Variants in ADAMTSL3 observed in about 807,000 individuals in gnomAD.
ADAMTSL3 encodes the protein ADAMTS-like protein 3.
In ADAMTSL3, 128 loss-of-function variants were observed where a neutral mutation model predicts 201.7. The ratio of observed to expected loss-of-function variants is 0.63; its 90% confidence interval spans 0.55 to 0.73. The LOEUF is 0.73. Among genes scored for constraint, ADAMTSL3 ranks in the 30% least tolerant of loss-of-function variants. The pLI is 0.00. For missense variants in ADAMTSL3, 1,990 were observed against 2,119.6 expected, an observed-to-expected ratio of 0.94 and a Z score of 1.20; for synonymous variants, 738 against 748.4, an observed-to-expected ratio of 0.99 and a Z score of 0.23.
intron 17 of ADAMTSL3, among the ~76,000 whole-genome samples, chr15:83,929,749 C>G (rs1424452617): frequency 1.3e-5 from 2 of 149,948 alleles, no homozygotes; most frequent in Non-Finnish European, 3.0e-5. Flanking sequence ...CACACACACA[C>G]AGAGAGACAG....
At chr15:83,995,458 C>T (rs1418901280) in intron 23 of ADAMTSL3, among the ~76,000 whole-genome samples, 2 of 152,128 alleles carry the variant, frequency 1.3e-5, no homozygotes, top group South Asian at 4.2e-4. Context: ...CAAACAGTCC[C>T]ATTAAAGTCA....
In ADAMTSL3 at chr15:83,773,536, C is replaced by T; in HGVS notation, c.203C>T (p.Thr68Ile). Residue 68 changes from threonine (T) to isoleucine (I), a missense_variant, in exon 4 of 30, where the codon ACT (threonine) becomes ATT (isoleucine). Coordinates refer to ENST00000286744, the MANE Select transcript of ADAMTSL3 (RefSeq NM_207517.3). ...YRYDDQTSRN[T>I]RSDEDKDGNW... ...TTTAACATCTAGACCTCAAGAAACACTCGTTCAGATGAAGACAAAGATGGC... is the reference window on the plus strand; with the variant it reads ...TTTAACATCTAGACCTCAAGAAACATTCGTTCAGATGAAGACAAAGATGGC... The T allele has an allele frequency of 6.2e-7, 1 of 1,613,002 alleles. No homozygotes were observed. The highest frequency in any genetic ancestry group is 8.5e-7 in the Non-Finnish European group (1 of 1,179,538).
intron 19 of ADAMTSL3, among the ~76,000 whole-genome samples, chr15:83,969,128 T>C (rs149765397): frequency 0.035 from 5,398 of 152,140 alleles, 286 homozygotes; most frequent in African/African-American, 0.12. Context: ...ATTCTACACA[T>C]GTATCCCAGA....
At chr15:83,739,201 T>G (rs1190172673) in intron 3 of ADAMTSL3, among the ~76,000 whole-genome samples, 1 of 151,486 alleles carries the variant, frequency 6.6e-6, no homozygotes, top group African/African-American at 2.4e-5. Context: ...TGCAGAAGGA[T>G]GGAAAATAAA....
At chr15:83,664,994 C>T (rs968492742) in intron 2 of ADAMTSL3, among the ~76,000 whole-genome samples, 1 of 152,098 alleles carries the variant, frequency 6.6e-6, no homozygotes, top group Non-Finnish European at 1.5e-5. Context: ...GGTTGCTGAT[C>T]AGGAGGTGGT....
intron 19 of ADAMTSL3, chr15:83,962,080 G>A (rs761192251): frequency 3.3e-5 from 5 of 152,218 alleles, no homozygotes; most frequent in East Asian, 1.9e-4. Flanking sequence ...TACTGTTCTC[G>A]TGGTGGTAAA....
intron 2 of ADAMTSL3, among the ~76,000 whole-genome samples, chr15:83,666,447 T>C (rs1339070384): frequency 6.6e-6 from 1 of 152,216 alleles, no homozygotes; most frequent in African/African-American, 2.4e-5. Flanking sequence ...GTTGCCACTA[T>C]AAGATTAAGG....
intron 7 of ADAMTSL3, among the ~76,000 whole-genome samples, chr15:83,846,468 G>A (rs74024581): frequency 6.6e-6 from 1 of 152,310 alleles, no homozygotes; most frequent in African/African-American, 2.4e-5. Context: ...GGTGCACCGA[G>A]GCTTAGAGTG....
intron 19 of ADAMTSL3, among the ~76,000 whole-genome samples, chr15:83,957,000 A>G (rs1288536354): frequency 6.6e-6 from 1 of 152,146 alleles, no homozygotes; most frequent in Non-Finnish European, 1.5e-5. Context: ...AAGAAATGAC[A>G]TTTACAACCA....
chr15:83,810,424 G>A (rs1282784959), intron 5 of ADAMTSL3, among the ~76,000 whole-genome samples: 1 of 152,196 alleles, frequency 6.6e-6, no homozygotes, highest in African/African-American at 2.4e-5. Flanking sequence ...GGGTGCATTA[G>A]CAACCTCAGA....
At chr15:83,939,073 C>T (rs940347954) in intron 17 of ADAMTSL3, among the ~76,000 whole-genome samples, 1 of 152,224 alleles carries the variant, frequency 6.6e-6, no homozygotes, top group African/African-American at 2.4e-5. Flanking sequence ...TTTGCTATGT[C>T]GTAGACACTG....
chr15:83,949,837 C>G (rs555202567), intron 19 of ADAMTSL3, among the ~76,000 whole-genome samples: 1 of 152,098 alleles, frequency 6.6e-6, no homozygotes, highest in African/African-American at 2.4e-5. Flanking sequence ...CAGATCTTTT[C>G]CCATTTTTAA....
chr15:83,862,438 A>G (rs897496331), intron 8 of ADAMTSL3: 2 of 152,262 alleles, frequency 1.3e-5, no homozygotes, highest in Admixed American at 1.3e-4. Flanking sequence ...AAACTCTACA[A>G]GCCAGAAGAG....
rs1293248400 is a variant in ADAMTSL3, at chr15:83,952,822, G to GA, written c.2490+9747dup. 1.0e-4 allele frequency among the ~76,000 whole-genome samples: 15 copies of GA among 144,796 alleles called. No individual in the cohort carries two copies. The East Asian group carries it at 3.0e-3, about 29-fold the overall frequency. The allele number at this position is 144,796 out of a possible 152,430, so 95.0% of individuals were successfully genotyped here. On this transcript the variant is annotated intron_variant, in intron 19 of 29. Coordinates refer to ENST00000286744, the MANE Select transcript of ADAMTSL3 (RefSeq NM_207517.3). ...TTCCACCTCAAAAAAAAAAAAAAAAGAAAAAAACATTGTTATATCCCCTTG... is the reference window on the plus strand; with the variant it reads ...TTCCACCTCAAAAAAAAAAAAAAAAGAAAAAAAACATTGTTATATCCCCTTG...
chr15:83,659,896 C>G (rs899281568), intron 2 of ADAMTSL3, among the ~76,000 whole-genome samples: 1 of 152,174 alleles, frequency 6.6e-6, no homozygotes, highest in Non-Finnish European at 1.5e-5. Flanking sequence ...ATTTTCTGCT[C>G]AAGTCTTCAG....
chr15:83,819,780 T>TG (rs1311144254), intron 5 of ADAMTSL3, 31 bp from the exon 6 acceptor site: 1 of 1,548,250 alleles, frequency 6.5e-7, no homozygotes, highest in African/African-American at 1.4e-5. Flanking sequence ...CACTGGGTGA[T>TG]GTGCATGTGG....
rs564721473 is a variant in ADAMTSL3, at chr15:83,780,435, A to G, written c.317+6785A>G. On this transcript the variant is annotated intron_variant, in intron 4 of 29. Transcript: ENST00000286744. The stretch of plus-strand genomic sequence containing the variant: ...AAAAAAAAAAAAAACAAACTTCTCA[A>G]TAAAGTAGGTATTCAAGGAATATAC... 2.0e-5 allele frequency among the ~76,000 whole-genome samples: 3 copies of G among 152,024 alleles called. No individual in the cohort carries two copies. The East Asian group carries it at 5.8e-4, about 29-fold the overall frequency.
chr15:83,737,436 C>T (rs935722905), intron 3 of ADAMTSL3, among the ~76,000 whole-genome samples: 20 of 152,200 alleles, frequency 1.3e-4, no homozygotes, highest in African/African-American at 3.6e-4. Flanking sequence ...TGAGTTCTCA[C>T]GAGATCTGAT....
rs529702490 is a variant in ADAMTSL3, at chr15:83,981,787, C to A, written c.2645-486C>A. ...TTTGCTCACATTCCCACTCTCACTT[C>A]CTCCCTCAGATTTGGGGTACCCATG... On this transcript the variant is annotated intron_variant, in intron 20 of 29. Coordinates refer to ENST00000286744, the MANE Select transcript of ADAMTSL3 (RefSeq NM_207517.3). Among the ~76,000 whole-genome samples, 3 of 152,322 alleles carry A rather than the reference C, an allele frequency of 2.0e-5. No homozygotes were observed. In the East Asian group the frequency reaches 5.8e-4, roughly 29 times the overall value.
Sources: gnomAD v4.1 joint callset for allele counts (sites outside exome capture counted in the v4.1 genomes callset) on GRCh38, gnomAD v4.1.1 for gene constraint, MANE v1.5 for transcripts, NCBI Gene and HGNC (gene_info 2026-07-23, HGNC 2026-07-21) for gene names.